Variants in PARD3B observed in about 807,000 individuals in gnomAD.
The protein encoded by PARD3B is partitioning defective 3 homolog B.
In PARD3B, 103 loss-of-function variants were observed where a neutral mutation model predicts 130.2. The ratio of observed to expected loss-of-function variants is 0.79; its 90% confidence interval spans 0.67 to 0.93. The LOEUF is 0.93. Among genes scored for constraint, PARD3B ranks in the 40% least tolerant of loss-of-function variants. The probability of loss-of-function intolerance (pLI) is 0.00; values close to 1 mark genes in which losing one functional copy is unlikely to be tolerated. For synonymous variants in PARD3B, 583 were observed against 553.2 expected (o/e 1.05, Z -0.76); for missense variants, 1,609 against 1,499.2 (o/e 1.07, Z -1.21).
chr2:205,176,567 C>CA lies in PARD3B; in HGVS notation c.1917dup (p.Gln640ThrfsTer9). The CA allele has an allele frequency of 6.3e-7, 1 of 1,594,620 alleles. No homozygotes were observed. Among genetic ancestry groups the CA allele is most frequent in the South Asian group, 1.1e-5 (1 of 88,782 alleles). ...CACTTGGCACTTGCAGTCCACAAGA[C>CA]AAACAGAAAGGTAAGAGTCTATTCA... is the stretch of plus-strand genomic sequence containing the variant. On this transcript the variant is annotated frameshift_variant, in exon 13 of 23. Transcript: ENST00000406610. LOFTEE classifies it high-confidence loss of function. The surrounding 1 kb of genome is among the most constrained non-coding windows in gnomAD (Gnocchi z 5.3).
chr2:205,237,351 C>T (rs2039113186), intron 15 of PARD3B, among the ~76,000 whole-genome samples: 1 of 152,176 alleles, frequency 6.6e-6, no homozygotes, highest in South Asian at 2.1e-4. Flanking sequence ...ATCCACCCGA[C>T]TCGGCCTCCC....
chr2:205,051,421 C>T (rs1699182644), intron 4 of PARD3B, among the ~76,000 whole-genome samples: 3 of 152,166 alleles, frequency 2.0e-5, no homozygotes, highest in African/African-American at 4.8e-5. Flanking sequence ...ATAAGTAATT[C>T]ACAGATGGCA....
rs368898161 is a variant in PARD3B at position 205,118,901 on chromosome 2, A to G, written c.681-20A>G. ...ATTTATTATTCAGTAATTATATTTC[A>G]ATCTAAATTTTGCATTTAGGATTCT... On this transcript the variant is annotated intron_variant, in intron 6 of 22. Coordinates refer to ENST00000406610, the MANE Select transcript of PARD3B (RefSeq NM_001302769.2). 1.3e-6 allele frequency: 2 copies of G among 1,502,880 alleles called. No individual in the cohort carries two copies. Among genetic ancestry groups the G allele is most frequent in the Non-Finnish European group, 1.8e-6 (2 of 1,104,910 alleles). 93.1% of individuals were successfully genotyped at this position (1,502,880 alleles called of 1,614,324 possible). A position where few individuals can be genotyped will look rare whatever the true frequency, so the allele number is the denominator to read the frequency against.
intron 19 of PARD3B, among the ~76,000 whole-genome samples, chr2:205,422,849 G>GCTTAGCTTAGGTCTGTTGGT (rs2047016771): frequency 2.6e-5 from 4 of 152,202 alleles, no homozygotes; most frequent in South Asian, 4.2e-4. Flanking sequence ...GAAAAGAATA[G>GCTTAGCTTAGGTCTGTTGGT]CTTGGTGAAG....
At chr2:205,477,010 A>C (rs1444697336) in intron 20 of PARD3B, among the ~76,000 whole-genome samples, 1 of 152,222 alleles carries the variant, frequency 6.6e-6, no homozygotes, top group Non-Finnish European at 1.5e-5. Context: ...GGTAGATTCC[A>C]AATTGATTCT....
intron 3 of PARD3B, among the ~76,000 whole-genome samples, chr2:205,028,124 A>G (rs916615071): frequency 1.3e-5 from 2 of 152,108 alleles, no homozygotes; most frequent in Admixed American, 6.6e-5. Context: ...TGGAATTTAT[A>G]TAGGAATTAA....
intron 3 of PARD3B, among the ~76,000 whole-genome samples, chr2:205,007,387 A>C (rs1695356657): frequency 6.6e-6 from 1 of 152,220 alleles, no homozygotes; most frequent in African/African-American, 2.4e-5. Flanking sequence ...ATGGCGATCC[A>C]GATTCATTCT....
intron 16 of PARD3B, among the ~76,000 whole-genome samples, chr2:205,249,675 A>C (rs1414309110): frequency 6.6e-6 from 1 of 152,158 alleles, no homozygotes; most frequent in Admixed American, 6.5e-5. Flanking sequence ...AGGGCATTGT[A>C]TCTCATTACC....
chr2:204,548,486 C>T (rs1036785364), intron 1 of PARD3B, among the ~76,000 whole-genome samples: 10 of 152,100 alleles, frequency 6.6e-5, no homozygotes, highest in Non-Finnish European at 1.2e-4. Context: ...ACAAGTAAGT[C>T]GTAGATTTGG....
chr2:204,818,487 T>G (rs1051146105), intron 2 of PARD3B, among the ~76,000 whole-genome samples: 6 of 152,186 alleles, frequency 3.9e-5, no homozygotes, highest in African/African-American at 1.4e-4. Context: ...ATCTTAAATA[T>G]GTTAGTGTAG....
chr2:205,075,176 T>A (rs1360959799), intron 4 of PARD3B, among the ~76,000 whole-genome samples: 1 of 152,196 alleles, frequency 6.6e-6, no homozygotes, highest in Non-Finnish European at 1.5e-5. Flanking sequence ...TGTATTGTAA[T>A]GAGACCATCC....
intron 21 of PARD3B, among the ~76,000 whole-genome samples, chr2:205,504,101 C>G (rs976744921): frequency 6.6e-6 from 1 of 152,098 alleles, no homozygotes; most frequent in Non-Finnish European, 1.5e-5. Context: ...TATCTACAAC[C>G]ATCTGATCTT....
Position 205,500,013 on chromosome 2 carries a change from T to C in PARD3B, c.3162T>C (p.Ser1054=), listed in dbSNP as rs10197347. The change falls in exon 21 of 23, where the codon TCT becomes TCC. Residue 1054 remains serine (S), a synonymous_variant. Coordinates refer to ENST00000406610, the MANE Select transcript of PARD3B (RefSeq NM_001302769.2). ...YEDDEGRARP[S]EYDLLWVPGR... ...ACGACGAAGGAAGAGCAAGGCCATC[T>C]GAGTATGACCTACTCTGGGTAAGCG... 0.41 allele frequency: 664,820 copies of C among 1,613,078 alleles called. 140,355 individuals carry two copies. Among genetic ancestry groups the C allele is most frequent in the Admixed American group, 0.59 (35,191 of 59,970 alleles).
chr2:205,089,847 G>T (rs1559426699), intron 4 of PARD3B, among the ~76,000 whole-genome samples: 1 of 152,098 alleles, frequency 6.6e-6, no homozygotes, highest in Non-Finnish European at 1.5e-5. Context: ...TCTGTAATTT[G>T]CTCCTTTCTC....
chr2:205,314,403 G>A (rs564017260), intron 18 of PARD3B, among the ~76,000 whole-genome samples: 4 of 152,132 alleles, frequency 2.6e-5, no homozygotes, highest in East Asian at 3.9e-4. Context: ...CACCAACCAC[G>A]CTTCAGTGTA....
chr2:204,990,348 C>T (rs1034762846), intron 3 of PARD3B, among the ~76,000 whole-genome samples: 5 of 151,796 alleles, frequency 3.3e-5, no homozygotes, highest in African/African-American at 1.2e-4. Context: ...ATGATCACTT[C>T]AGGATTATTA....
rs1299071243 is a variant in PARD3B, at chr2:204,906,452, A to T, written c.223-58700A>T. ...AAATGAATGAATATGGGAAGAGAGA[A>T]TTCTCCTCCCGTGCCAGTTATATAT... On this transcript the variant is annotated intron_variant, in intron 2 of 22. Coordinates refer to ENST00000406610, the MANE Select transcript of PARD3B (RefSeq NM_001302769.2). This position sits in a 1 kb window ranked among gnomAD's most constrained non-coding sequence, Gnocchi z 4.3. Among the ~76,000 whole-genome samples, 2 of 152,130 alleles carry T rather than the reference A, an allele frequency of 1.3e-5. No individual in the cohort carries two copies. Among genetic ancestry groups the T allele is most frequent in the African/African-American group, 2.4e-5 (1 of 41,428 alleles).
At chr2:205,516,011 A>G (rs2050778728) in intron 21 of PARD3B, among the ~76,000 whole-genome samples, 1 of 152,160 alleles carries the variant, frequency 6.6e-6, no homozygotes, top group Admixed American at 6.5e-5. Context: ...TCTTCTGCAT[A>G]TGGCTAGCTA....
chr2:204,802,723 C>G (rs1395947767), intron 2 of PARD3B, among the ~76,000 whole-genome samples: 1 of 152,128 alleles, frequency 6.6e-6, no homozygotes. Context: ...CCATCATTCT[C>G]AGCATTCTAA....
Sources: gnomAD v4.1 joint callset for allele counts (sites outside exome capture counted in the v4.1 genomes callset) on GRCh38, gnomAD v4.1.1 for gene constraint, Gnocchi (gnomAD v3.1) non-coding constraint, MANE v1.5 for transcripts, NCBI Gene and HGNC (gene_info 2026-07-23, HGNC 2026-07-21) for gene names.